The following CLDN16 variants were observed in gnomAD, a reference collection of about 807,000 sequenced individuals.
CLDN16 encodes claudin-16.
In CLDN16, 13 loss-of-function variants were observed where a neutral mutation model predicts 24.6. The observed-to-expected ratio is 0.53, with a 90% CI of 0.34 to 0.84. The LOEUF (loss-of-function observed/expected upper bound fraction) is 0.84. Ranked by LOEUF, CLDN16 falls within the 40% of genes least tolerant of loss-of-function variation. The probability of loss-of-function intolerance (pLI) is 0.01; values close to 1 mark genes in which losing one functional copy is unlikely to be tolerated. For missense variants in CLDN16, 298 were observed against 292.7 expected, an observed-to-expected ratio of 1.02 and a Z score of -0.13; for synonymous variants, 116 against 106.7, an observed-to-expected ratio of 1.09 and a Z score of -0.54.
chr3:190,294,640 TA>T, the CLDN16 span, among the ~76,000 whole-genome samples: 3 of 152,136 alleles, frequency 2.0e-5, no homozygotes, highest in African/African-American at 7.2e-5. Flanking sequence ...AAATTATTAA[TA>T]TATTCAATAA....
rs764178771 is a variant in CLDN16, at chr3:190,409,889, T to G, written c.575-14T>G. 1 of 1,613,014 alleles carries G rather than the reference T, an allele frequency of 6.2e-7. No individual in the cohort carries two copies. The highest frequency in any genetic ancestry group is 8.5e-7 in the Non-Finnish European group (1 of 1,179,106). On this transcript the variant is annotated splice_polypyrimidine_tract_variant and intron_variant, in intron 4 of 4. Coordinates refer to ENST00000264734, the MANE Select transcript of CLDN16 (RefSeq NM_006580.4). ...TCACTGAGTTCTACTTATTTTTATA[T>G]TTCTTTCAAACAGATGTTGGACCTG...
intron 1 of CLDN16, among the ~76,000 whole-genome samples, chr3:190,325,660 G>T (rs1362825344): frequency 6.6e-6 from 1 of 152,224 alleles, no homozygotes; most frequent in Non-Finnish European, 1.5e-5. Flanking sequence ...TGTCAGAAGA[G>T]AGTGTAGACA....
intron 1 of CLDN16, among the ~76,000 whole-genome samples, chr3:190,340,513 AC>A (rs1227478555): frequency 6.6e-6 from 1 of 151,838 alleles, no homozygotes; most frequent in Non-Finnish European, 1.5e-5. Context: ...CACAGGAAAG[AC>A]CTCCCACCCA....
At chr3:190,358,518 C>G (rs1437274621) in intron 1 of CLDN16, among the ~76,000 whole-genome samples, 1 of 151,926 alleles carries the variant, frequency 6.6e-6, no homozygotes. Flanking sequence ...CTACCACACA[C>G]AGAGGGTAGA....
At chr3:190,362,856 G>A (rs1717928690) in intron 1 of CLDN16, among the ~76,000 whole-genome samples, 1 of 151,910 alleles carries the variant, frequency 6.6e-6, no homozygotes, top group South Asian at 2.1e-4. Flanking sequence ...ATGTTTTCCT[G>A]TTTTGTTGAC....
the CLDN16 span, among the ~76,000 whole-genome samples, chr3:190,301,183 G>T: frequency 1.3e-5 from 2 of 151,992 alleles, no homozygotes; most frequent in Non-Finnish European, 2.9e-5. Context: ...ACTTGGATGC[G>T]CAATAGGCAT....
the CLDN16 span, among the ~76,000 whole-genome samples, chr3:190,311,433 C>T: frequency 5.3e-5 from 8 of 152,098 alleles, no homozygotes; most frequent in African/African-American, 1.9e-4. Flanking sequence ...TTTAAACTAA[C>T]CACATCTTTA....
intron 1 of CLDN16, among the ~76,000 whole-genome samples, chr3:190,398,036 G>A (rs899162402): frequency 6.6e-6 from 1 of 152,148 alleles, no homozygotes; most frequent in African/African-American, 2.4e-5. Context: ...GTGGAGAGTC[G>A]CTGTCTGATT....
the CLDN16 span, among the ~76,000 whole-genome samples, chr3:190,298,590 G>T: frequency 2.0e-5 from 3 of 151,956 alleles, no homozygotes. Context: ...CAAGTAGCTG[G>T]AATTACAGGC....
chr3:190,300,458 T>A, the CLDN16 span, among the ~76,000 whole-genome samples: 4 of 152,170 alleles, frequency 2.6e-5, no homozygotes, highest in Non-Finnish European at 5.9e-5. Flanking sequence ...CAGGCTGTAT[T>A]TGTTAACTAT....
the CLDN16 span, among the ~76,000 whole-genome samples, chr3:190,309,614 A>G: frequency 6.6e-6 from 1 of 152,260 alleles, no homozygotes. Flanking sequence ...AACCTGCAGT[A>G]TTAAGAAAGA....
At chr3:190,405,329 G>A (rs1213279342) in intron 3 of CLDN16, among the ~76,000 whole-genome samples, 1 of 151,024 alleles carries the variant, frequency 6.6e-6, no homozygotes, top group Non-Finnish European at 1.5e-5. Flanking sequence ...CGGGGCTGAG[G>A]CAGGAGAATC....
chr3:190,341,701 C>A (rs28883895), intron 1 of CLDN16, among the ~76,000 whole-genome samples: 47,893 of 152,042 alleles, frequency 0.31, 7,922 homozygotes, highest in East Asian at 0.6. Flanking sequence ...GATTTCTCCC[C>A]GCAGAATGAG....
chr3:190,376,524 C>T (rs895070548), intron 3 of CLDN16, among the ~76,000 whole-genome samples: 2 of 151,694 alleles, frequency 1.3e-5, no homozygotes, highest in Non-Finnish European at 2.9e-5. Flanking sequence ...GAATATACAG[C>T]AAGGAGAGAG....
intron 3 of CLDN16, among the ~76,000 whole-genome samples, chr3:190,405,665 T>C (rs1719080043): frequency 6.6e-6 from 1 of 152,288 alleles, no homozygotes; most frequent in African/African-American, 2.4e-5. Flanking sequence ...TATGTTAAAC[T>C]TGTCCCACGT....
At chr3:190,392,280 T>C (rs1274911964) in intron 1 of CLDN16, among the ~76,000 whole-genome samples, 1 of 152,012 alleles carries the variant, frequency 6.6e-6, no homozygotes, top group African/African-American at 2.4e-5. Flanking sequence ...TCCTCTTCTT[T>C]ATTCCCCCTC....
the CLDN16 span, among the ~76,000 whole-genome samples, chr3:190,309,005 G>A: frequency 6.2e-4 from 94 of 152,222 alleles, no homozygotes; most frequent in South Asian, 4.1e-3. Context: ...CTTAGGGTGG[G>A]GTATCTGTGA....
chr3:190,293,479 G>A, the CLDN16 span, among the ~76,000 whole-genome samples: 1,442 of 152,292 alleles, frequency 9.5e-3, 23 homozygotes, highest in African/African-American at 0.033. Flanking sequence ...TTGAGCAGAA[G>A]GGAAACACAA....
chr3:190,362,010 A>AGTCTCACCTG (rs1717898566), intron 1 of CLDN16, among the ~76,000 whole-genome samples: 1 of 149,842 alleles, frequency 6.7e-6, no homozygotes, highest in Admixed American at 6.7e-5. Flanking sequence ...TGGTCTAACC[A>AGTCTCACCTG]GTCTAACCTG....
Sources: allele counts gnomAD v4.1 joint callset (sites outside exome capture counted in the v4.1 genomes callset), GRCh38; gene constraint gnomAD v4.1.1; transcripts MANE v1.5; gene names NCBI Gene and HGNC (gene_info 2026-07-23, HGNC 2026-07-21).